Variants in GALNT17 observed in about 807,000 individuals in gnomAD.
The protein encoded by GALNT17 is polypeptide N-acetylgalactosaminyltransferase 17, also known as UDP-GalNAc:polypeptide N-acetylgalactosaminyltransferase-like 3.
Under a neutral mutation model 63.7 loss-of-function variants are expected in GALNT17, and 29 were observed. The ratio of observed to expected loss-of-function variants is 0.46; its 90% CI spans 0.34 to 0.62. The LOEUF is 0.62. Among genes scored for constraint, GALNT17 ranks in the 20% least tolerant of loss-of-function variants. GALNT17 has a pLI of 0.01. For missense variants in GALNT17, 603 were observed against 799.6 expected, an observed-to-expected ratio of 0.75 and a Z score of 2.97; for synonymous variants, 305 against 318.3, an observed-to-expected ratio of 0.96 and a Z score of 0.45.
At chr7:71,536,421 A>C (rs1788803250) in intron 5 of GALNT17, among the ~76,000 whole-genome samples, 1 of 152,212 alleles carries the variant, frequency 6.6e-6, no homozygotes, top group Admixed American at 6.5e-5. Flanking sequence ...CATGTGGCTG[A>C]TAAAGACATA....
At chr7:71,349,972 T>C (rs1300486363) in intron 2 of GALNT17, among the ~76,000 whole-genome samples, 2 of 152,088 alleles carry the variant, frequency 1.3e-5, no homozygotes, top group Admixed American at 6.6e-5. Flanking sequence ...GTTTGAAGAG[T>C]CTTGGGCTGT....
intron 6 of GALNT17, among the ~76,000 whole-genome samples, chr7:71,635,470 G>T: frequency 6.6e-6 from 1 of 152,138 alleles, no homozygotes. Flanking sequence ...AAGTACATTC[G>T]GATGGTTGAG....
chr7:71,612,503 A>G lies in GALNT17; in HGVS notation c.1080+41101A>G, dbSNP rs184881841. 9.2e-5 allele frequency among the ~76,000 whole-genome samples: 14 copies of G among 152,340 alleles called. No homozygotes were observed. In the East Asian group the frequency reaches 2.7e-3, roughly 29 times the overall value. On this transcript the variant is annotated intron_variant, in intron 6 of 10. Coordinates refer to ENST00000333538, the MANE Select transcript of GALNT17 (RefSeq NM_022479.3). ...AAGAAGAGGTTGTGTTCAGCAAGCC[A>G]TGGTGCTAATATTCTGATTAAGTGT...
chr7:71,335,773 G>T (rs756508933), intron 2 of GALNT17, 40 bp downstream of exon 2: 2 of 1,535,740 alleles, frequency 1.3e-6, no homozygotes, highest in East Asian at 2.3e-5. Context: ...TTGATGGGTC[G>T]TCAGAGTGGG....
intron 5 of GALNT17, among the ~76,000 whole-genome samples, chr7:71,468,216 G>A (rs116835868): frequency 1.1e-3 from 171 of 152,030 alleles, no homozygotes; most frequent in African/African-American, 3.9e-3. Flanking sequence ...TTCTTGTAGA[G>A]ATAGAGTCTC....
At chr7:71,464,294 G>A (rs1395060560) in intron 5 of GALNT17, among the ~76,000 whole-genome samples, 1 of 152,140 alleles carries the variant, frequency 6.6e-6, no homozygotes, top group Non-Finnish European at 1.5e-5. Context: ...TCTCAAACCT[G>A]ATTTTGCAGG....
intron 1 of GALNT17, among the ~76,000 whole-genome samples, chr7:71,274,545 G>T (rs911159765): frequency 6.6e-6 from 1 of 152,178 alleles, no homozygotes; most frequent in African/African-American, 2.4e-5. Flanking sequence ...CTCCAAAAGC[G>T]CTGGGTTGGC....
At chr7:71,302,491 T>C (rs1791218502) in intron 1 of GALNT17, among the ~76,000 whole-genome samples, 1 of 152,180 alleles carries the variant, frequency 6.6e-6, no homozygotes, top group African/African-American at 2.4e-5. Context: ...TGTGTGCTAA[T>C]TTCAGGACCT....
chr7:71,217,144 TG>T (rs1370693462), intron 1 of GALNT17, among the ~76,000 whole-genome samples: 3,991 of 137,836 alleles, frequency 0.029, 268 homozygotes, highest in African/African-American at 0.1. Context: ...TTTCGTGTTT[TG>T]TTTTTTTTTT....
intron 1 of GALNT17, among the ~76,000 whole-genome samples, chr7:71,156,763 G>A (rs1271407959): frequency 3.5e-5 from 5 of 144,246 alleles, no homozygotes; most frequent in Non-Finnish European, 6.0e-5. Flanking sequence ...CAGGCTCACT[G>A]CCCAGGAGTG....
intron 1 of GALNT17, among the ~76,000 whole-genome samples, chr7:71,296,788 A>G (rs6976574): frequency 0.21 from 31,297 of 151,938 alleles, 3,356 homozygotes; most frequent in East Asian, 0.33. Flanking sequence ...TATTTAATAT[A>G]GCATGTGTAA....
At chr7:71,555,322 T>C (rs6460671) in intron 5 of GALNT17, among the ~76,000 whole-genome samples, 48,684 of 151,750 alleles carry the variant, frequency 0.32, 7,948 homozygotes, top group Admixed American at 0.34. Context: ...CTGATTGTGC[T>C]TTAGAATCAA....
At chr7:71,293,210 A>C (rs1431837048) in intron 1 of GALNT17, among the ~76,000 whole-genome samples, 1 of 152,162 alleles carries the variant, frequency 6.6e-6, no homozygotes, top group East Asian at 1.9e-4. Context: ...GTTCCTTTGG[A>C]TATATATCTA....
intron 1 of GALNT17, among the ~76,000 whole-genome samples, chr7:71,302,114 G>A (rs911910787): frequency 3.9e-5 from 6 of 152,048 alleles, no homozygotes; most frequent in Non-Finnish European, 2.9e-5. Flanking sequence ...ACCAAACACC[G>A]CGTGTTGTCA....
At chr7:71,308,300 G>T (rs557098128) in intron 1 of GALNT17, among the ~76,000 whole-genome samples, 7 of 152,234 alleles carry the variant, frequency 4.6e-5, no homozygotes, top group South Asian at 4.2e-4. Flanking sequence ...CCAAGGCAGG[G>T]TGTGATCTCA....
At chr7:71,213,194 A>G (rs1002187013) in intron 1 of GALNT17, among the ~76,000 whole-genome samples, 2 of 152,328 alleles carry the variant, frequency 1.3e-5, no homozygotes, top group Non-Finnish European at 2.9e-5. Context: ...TTCTCATGAT[A>G]GTGAATATCT....
chr7:71,527,941 C>G (rs1234000836), intron 5 of GALNT17, among the ~76,000 whole-genome samples: 1 of 152,140 alleles, frequency 6.6e-6, no homozygotes, highest in African/African-American at 2.4e-5. Flanking sequence ...AACTATTGCA[C>G]CAAGGTTTTT....
intron 3 of GALNT17, among the ~76,000 whole-genome samples, chr7:71,404,392 G>A (rs1368809648): frequency 1.3e-5 from 2 of 151,894 alleles, no homozygotes; most frequent in Admixed American, 6.6e-5. Context: ...CTATGGAATC[G>A]CCCTCAAAAT....
At chr7:71,337,331 TTA>T in intron 2 of GALNT17, among the ~76,000 whole-genome samples, 1 of 152,312 alleles carries the variant, frequency 6.6e-6, no homozygotes, top group East Asian at 1.9e-4. Context: ...ACTCATATCT[TTA>T]TATGTTTTGA....
Sources: gnomAD v4.1 joint callset for allele counts (sites outside exome capture counted in the v4.1 genomes callset) on GRCh38, gnomAD v4.1.1 for gene constraint, MANE v1.5 for transcripts, NCBI Gene and HGNC (gene_info 2026-07-23, HGNC 2026-07-21) for gene names.